The following TTC7B variants were observed in gnomAD, a reference collection of about 807,000 sequenced individuals.
TTC7B encodes tetratricopeptide repeat domain 7B, also known as tetratricopeptide repeat protein 7B.
Under a neutral mutation model 106.8 loss-of-function variants are expected in TTC7B, and 28 were observed. The ratio of observed to expected loss-of-function variants is 0.26; its 90% CI spans 0.19 to 0.36. The LOEUF (loss-of-function observed/expected upper bound fraction) is 0.36, where lower values mean the gene tolerates loss of function less well. TTC7B is among the 10% of genes least tolerant of loss of function. The pLI is 1.00. For synonymous variants in TTC7B, 405 were observed against 430.6 expected, an observed-to-expected ratio of 0.94 and a Z score of 0.74; for missense variants, 862 against 1,076.4, an observed-to-expected ratio of 0.80 and a Z score of 2.79.
At position 90,537,080 on chromosome 14, in the gene TTC7B, G is replaced by A. The variant is rs961253665; in HGVS notation, c.*4288C>T. ...ACGGGGACACCCGTCCTCCTCCAGA[G>A]CCTGGGGAAGGAGCACAGCCCCACT... is the stretch of plus-strand genomic sequence containing the variant. On this transcript the variant is annotated 3_prime_UTR_variant, in exon 20 of 20. Transcript: ENST00000328459. 1.3e-5 allele frequency: 2 copies of A among 152,298 alleles called. No homozygotes were observed. Among genetic ancestry groups the A allele is most frequent in the Non-Finnish European group, 2.9e-5 (2 of 68,066 alleles). 9.4% of individuals were successfully genotyped at this position (152,298 alleles called of 1,614,324 possible).
intron 5 of TTC7B, among the ~76,000 whole-genome samples, chr14:90,711,545 C>T (rs1888447134): frequency 6.6e-6 from 1 of 152,204 alleles, no homozygotes; most frequent in Non-Finnish European, 1.5e-5. Context: ...CCTCAGCCCC[C>T]CAAGTAGCTG....
At chr14:90,695,120 T>C (rs1461813538) in intron 6 of TTC7B, among the ~76,000 whole-genome samples, 1 of 140,474 alleles carries the variant, frequency 7.1e-6, no homozygotes, top group Non-Finnish European at 1.5e-5. Context: ...ATAAAATAGG[T>C]ATATTTTATA....
chr14:90,555,410 G>C (rs574429995), intron 19 of TTC7B, among the ~76,000 whole-genome samples: 7 of 152,138 alleles, frequency 4.6e-5, no homozygotes, highest in Admixed American at 6.5e-5. Flanking sequence ...CCTAGGGAAG[G>C]GGGGGGTGTT....
At position 90,781,024 on chromosome 14, in the gene TTC7B, C is replaced by T. The variant is rs561064063; in HGVS notation, c.277-118G>A. On this transcript the variant is annotated intron_variant, in intron 2 of 19. Transcript: ENST00000328459. The stretch of plus-strand genomic sequence containing the variant: ...ACAGCTCCCCGCACAAGAGCTTGGA[C>T]GTGAATGTTCTGAGCAGTGTTATCC... 163 of 872,250 alleles carry T rather than the reference C, an allele frequency of 1.9e-4. No homozygotes were observed. The African/African-American group carries it at 2.4e-3, about 13-fold the overall frequency. The allele number at this position is 872,250 out of a possible 1,614,324, so 54.0% of individuals were successfully genotyped here. A position where few individuals can be genotyped will look rare whatever the true frequency, so the allele number is the denominator to read the frequency against.
intron 15 of TTC7B, among the ~76,000 whole-genome samples, chr14:90,640,575 A>G (rs979990954): frequency 1.3e-5 from 2 of 152,196 alleles, no homozygotes; most frequent in African/African-American, 4.8e-5. Flanking sequence ...TGTTCATTGT[A>G]TGATTTTAGA....
intron 9 of TTC7B, among the ~76,000 whole-genome samples, chr14:90,668,609 A>G (rs1449933620): frequency 6.6e-6 from 1 of 152,214 alleles, no homozygotes. Flanking sequence ...TAATCATCAC[A>G]ATAACATTCC....
At chr14:90,689,421 T>G (rs1366261751) in intron 7 of TTC7B, 119 bp downstream of exon 7, 18 of 865,786 alleles carry the variant, frequency 2.1e-5, no homozygotes, top group Non-Finnish European at 3.0e-5. Flanking sequence ...AAAATGACAC[T>G]TGTTCATTTG....
intron 17 of TTC7B, among the ~76,000 whole-genome samples, chr14:90,604,016 CA>C (rs1171723159): frequency 6.6e-6 from 1 of 152,184 alleles, no homozygotes; most frequent in Non-Finnish European, 1.5e-5. Context: ...AGTGGGTGCT[CA>C]TCACCCCAGA....
chr14:90,642,386 G>A (rs545503083), intron 15 of TTC7B, among the ~76,000 whole-genome samples: 8 of 152,180 alleles, frequency 5.3e-5, no homozygotes, highest in Non-Finnish European at 1.0e-4. Context: ...AAAACACAGC[G>A]AGGTGATGAG....
At chr14:90,571,420 G>T (rs1891030393) in intron 19 of TTC7B, among the ~76,000 whole-genome samples, 1 of 152,178 alleles carries the variant, frequency 6.6e-6, no homozygotes, top group Admixed American at 6.5e-5. Context: ...AGAGAGAAAT[G>T]AGGGCCTGTG....
At chr14:90,741,980 G>C (rs551287272) in intron 4 of TTC7B, among the ~76,000 whole-genome samples, 1 of 152,196 alleles carries the variant, frequency 6.6e-6, no homozygotes, top group Non-Finnish European at 1.5e-5. Context: ...TTTGAAAATC[G>C]TGTACCTACG....
intron 16 of TTC7B, among the ~76,000 whole-genome samples, chr14:90,616,995 T>C (rs1280896026): frequency 1.3e-5 from 2 of 152,176 alleles, no homozygotes; most frequent in African/African-American, 4.8e-5. Flanking sequence ...CTTCCTTCAC[T>C]TAGTAATCTA....
intron 3 of TTC7B, among the ~76,000 whole-genome samples, chr14:90,776,688 AC>A (rs1566882141): frequency 6.6e-6 from 1 of 152,146 alleles, no homozygotes; most frequent in East Asian, 1.9e-4. Flanking sequence ...AAGAAACCTT[AC>A]CCAGCCCAAG....
rs1287323904 is a variant in TTC7B at position 90,760,886 on chromosome 14, T to TC, written c.446-15965dup. The stretch of plus-strand genomic sequence containing the variant: ...AGCACTAGCCAAGAATTCCAATGTT[T>TC]CCCCAGGATAGCACCCTCTTGTGGA... On this transcript the variant is annotated intron_variant, in intron 3 of 19. Transcript: ENST00000328459. Among the ~76,000 whole-genome samples the TC allele has an allele frequency of 2.0e-5, 3 of 152,202 alleles. No individual in the cohort carries two copies. The East Asian group carries it at 5.8e-4, about 29-fold the overall frequency.
chr14:90,726,519 G>A (rs987063498), intron 5 of TTC7B, among the ~76,000 whole-genome samples: 3 of 152,182 alleles, frequency 2.0e-5, no homozygotes, highest in Non-Finnish European at 4.4e-5. Context: ...TCAGCCAGGC[G>A]TCGTCACCAT....
rs59807523 is a variant in TTC7B at position 90,702,873 on chromosome 14, C to T, written c.699-7295G>A. Among the ~76,000 whole-genome samples the T allele has an allele frequency of 2.7e-3, 409 of 152,242 alleles. 4 individuals carry two copies. The highest frequency in any genetic ancestry group is 9.0e-3 in the African/African-American group (373 of 41,536). ...GGGGCAGGGGAACAGTCTCCAGCCA[C>T]GGCTTTGGGGTGGGGCACGGACAGA... On this transcript the variant is annotated intron_variant, in intron 5 of 19. Coordinates refer to ENST00000328459, the MANE Select transcript of TTC7B (RefSeq NM_001010854.2).
At chr14:90,703,030 C>G (rs1407780781) in intron 5 of TTC7B, among the ~76,000 whole-genome samples, 1 of 152,194 alleles carries the variant, frequency 6.6e-6, no homozygotes, top group Non-Finnish European at 1.5e-5. Flanking sequence ...AAGTGAACCA[C>G]TAAAGCTTTA....
intron 1 of TTC7B, among the ~76,000 whole-genome samples, chr14:90,798,779 T>C (rs1219237742): frequency 2.0e-5 from 3 of 148,520 alleles, no homozygotes; most frequent in African/African-American, 7.4e-5. Flanking sequence ...TTCAGAATAA[T>C]TCCTAAAGGA....
At chr14:90,780,409 G>A (rs1477476343) in intron 3 of TTC7B, among the ~76,000 whole-genome samples, 4 of 140,484 alleles carry the variant, frequency 2.8e-5, no homozygotes, top group African/African-American at 1.1e-4. Context: ...GAAAGAAACA[G>A]AGAAAGAAAG....
Sources: gnomAD v4.1 joint callset for allele counts (sites outside exome capture counted in the v4.1 genomes callset) on GRCh38, gnomAD v4.1.1 for gene constraint, MANE v1.5 for transcripts, NCBI Gene and HGNC (gene_info 2026-07-23, HGNC 2026-07-21) for gene names.